CD96: variants seen among roughly 807,000 people sequenced by gnomAD.
CD96 encodes the protein T-cell surface protein tactile.
CD96 carries 70 observed loss-of-function variants against 71.3 expected under a neutral mutation model. The ratio of observed to expected loss-of-function variants is 0.98; its 90% CI spans 0.81 to 1.20. CD96 has a LOEUF of 1.20. Ranked by LOEUF, CD96 falls within the 50% of genes most tolerant of loss-of-function variation. The pLI, the probability that CD96 is intolerant of heterozygous loss-of-function variation, is 0.00. For missense variants in CD96, 742 were observed against 677.5 expected, an observed-to-expected ratio of 1.10 and a Z score of -1.06; for synonymous variants, 248 against 233.0, an observed-to-expected ratio of 1.06 and a Z score of -0.59.
intron 5 of CD96, among the ~76,000 whole-genome samples, chr3:111,587,387 G>A (rs1478414698): frequency 6.6e-6 from 1 of 152,112 alleles, no homozygotes; most frequent in Non-Finnish European, 1.5e-5. Flanking sequence ...TCTGCTAGGT[G>A]GTGTCCCATT....
intron 5 of CD96, among the ~76,000 whole-genome samples, chr3:111,592,471 A>T (rs1364229165): frequency 6.6e-6 from 1 of 152,260 alleles, no homozygotes; most frequent in African/African-American, 2.4e-5. Flanking sequence ...AAGTTAACTC[A>T]TTAAAATTAA....
At chr3:111,622,406 T>C (rs1207057506) in intron 8 of CD96, among the ~76,000 whole-genome samples, 1 of 152,236 alleles carries the variant, frequency 6.6e-6, no homozygotes, top group African/African-American at 2.4e-5. Context: ...CTTCTAAGTA[T>C]TTTATATGTA....
Position 111,575,069 on chromosome 3 carries a change from C to T in CD96, c.544-3958C>T, listed in dbSNP as rs1273199387. 2.0e-5 allele frequency among the ~76,000 whole-genome samples: 3 copies of T among 152,146 alleles called. No homozygotes were observed. The East Asian group carries it at 5.8e-4, about 29-fold the overall frequency. ...TTGGCCTCCCAAAGTGCTGGAATTA[C>T]AGGCATGAGCCACCAAATCCAGCCC... On this transcript the variant is annotated intron_variant, in intron 3 of 13. Transcript: ENST00000352690.
At chr3:111,641,984 G>A (rs771535485) in intron 12 of CD96, among the ~76,000 whole-genome samples, 5 of 152,170 alleles carry the variant, frequency 3.3e-5, no homozygotes, top group Non-Finnish European at 7.3e-5. Context: ...GAACCTCTGG[G>A]ATACAGCAAA....
At chr3:111,582,782 T>A (rs887132125) in intron 4 of CD96, among the ~76,000 whole-genome samples, 3 of 152,196 alleles carry the variant, frequency 2.0e-5, no homozygotes, top group Non-Finnish European at 2.9e-5. Context: ...ACTTATTCAC[T>A]ATAGCATGGT....
chr3:111,641,787 A>G (rs891393305), intron 12 of CD96, among the ~76,000 whole-genome samples: 3 of 152,234 alleles, frequency 2.0e-5, no homozygotes, highest in Admixed American at 2.0e-4. Context: ...AACTGAAATT[A>G]TATCAAGCAC....
intron 2 of CD96, among the ~76,000 whole-genome samples, chr3:111,556,276 C>A (rs980446006): frequency 6.6e-5 from 6 of 90,814 alleles, no homozygotes; most frequent in African/African-American, 2.4e-4. Flanking sequence ...CATATGTATA[C>A]ATGTGCCGTG....
At chr3:111,555,323 C>T in intron 2 of CD96, among the ~76,000 whole-genome samples, 1 of 152,184 alleles carries the variant, frequency 6.6e-6, no homozygotes, top group Non-Finnish European at 1.5e-5. Context: ...ATTTTTTGTG[C>T]TCTTTATTTT....
intron 2 of CD96, among the ~76,000 whole-genome samples, chr3:111,548,534 G>A (rs1934532004): frequency 6.6e-6 from 1 of 152,160 alleles, no homozygotes. Flanking sequence ...TCATAATCTA[G>A]ATTTCATTCA....
intron 8 of CD96, chr3:111,607,073 T>C (rs1937654884): frequency 4.7e-5 from 22 of 466,300 alleles, no homozygotes; most frequent in South Asian, 4.4e-4. Context: ...AAGAAACTCC[T>C]AAACATATTA....
intron 8 of CD96, 141 bp downstream of exon 8, chr3:111,606,933 T>A (rs1427563185): frequency 1.4e-6 from 1 of 701,316 alleles, no homozygotes; most frequent in African/African-American, 1.8e-5. Context: ...TTTTAACAGC[T>A]TTATTGAGAT....
At chr3:111,565,659 G>A (rs1935672197) in intron 2 of CD96, among the ~76,000 whole-genome samples, 1 of 152,146 alleles carries the variant, frequency 6.6e-6, no homozygotes, top group South Asian at 2.1e-4. Flanking sequence ...TGGAAGTGCT[G>A]TGATAGCTAA....
At chr3:111,594,081 C>T (rs768484383) in intron 5 of CD96, 8 of 1,614,170 alleles carry the variant, frequency 5.0e-6, no homozygotes, top group Middle Eastern at 1.6e-4. Context: ...GTGGGCATAG[C>T]ACTCACAAAA....
chr3:111,574,567 C>T (rs1274811790), intron 3 of CD96, among the ~76,000 whole-genome samples: 1 of 152,230 alleles, frequency 6.6e-6, no homozygotes, highest in Non-Finnish European at 1.5e-5. Flanking sequence ...ATTTAAGGGA[C>T]ATATAACAGC....
At chr3:111,661,604 G>A (rs963641365) in intron 14 of CD96, among the ~76,000 whole-genome samples, 1 of 152,224 alleles carries the variant, frequency 6.6e-6, no homozygotes, top group Non-Finnish European at 1.5e-5. Flanking sequence ...AAACAAAGGG[G>A]CTACAGGCCC....
At chr3:111,561,559 T>C (rs1197458570) in intron 2 of CD96, among the ~76,000 whole-genome samples, 6 of 147,864 alleles carry the variant, frequency 4.1e-5, no homozygotes, top group African/African-American at 1.5e-4. Context: ...GGAGGCAGTC[T>C]GCCGGTTCTC....
At chr3:111,545,816 A>G (rs1189083577) in intron 2 of CD96, among the ~76,000 whole-genome samples, 2 of 152,150 alleles carry the variant, frequency 1.3e-5, no homozygotes, top group African/African-American at 4.8e-5. Flanking sequence ...AAATGGGAAA[A>G]TGCCAGTGGG....
At chr3:111,609,111 C>T (rs1937775329) in intron 8 of CD96, among the ~76,000 whole-genome samples, 3 of 151,898 alleles carry the variant, frequency 2.0e-5, no homozygotes, top group South Asian at 2.1e-4. Context: ...GTGGAGAGCT[C>T]GAAAGAACGT....
intron 14 of CD96, among the ~76,000 whole-genome samples, chr3:111,662,157 GA>G (rs1388785879): frequency 6.6e-6 from 1 of 152,212 alleles, no homozygotes; most frequent in Non-Finnish European, 1.5e-5. Context: ...AGCTGTAACT[GA>G]GCCCCTTTCA....
Sources: allele counts gnomAD v4.1 joint callset (sites outside exome capture counted in the v4.1 genomes callset), GRCh38; gene constraint gnomAD v4.1.1; transcripts MANE v1.5; gene names NCBI Gene and HGNC (gene_info 2026-07-23, HGNC 2026-07-21).